MAGI1: variants seen among roughly 807,000 people sequenced by gnomAD.
MAGI1 encodes the protein membrane associated guanylate kinase, WW and PDZ domain containing 1, also known as membrane-associated guanylate kinase, WW and PDZ domain-containing protein 1.
In MAGI1, 58 loss-of-function variants were observed where a neutral mutation model predicts 139.9. The observed-to-expected ratio is 0.41, with a 90% CI of 0.34 to 0.52. The LOEUF is 0.52. Ranked by LOEUF, MAGI1 falls within the 20% of genes least tolerant of loss-of-function variation. The pLI is 0.12. For synonymous variants in MAGI1, 812 were observed against 737.9 expected (o/e 1.10, Z -1.63); for missense variants, 1,874 against 1,901.6 (o/e 0.99, Z 0.27).
chr3:65,871,198 A>T (rs2059927013), intron 1 of MAGI1, among the ~76,000 whole-genome samples: 1 of 151,966 alleles, frequency 6.6e-6, no homozygotes, highest in African/African-American at 2.4e-5. Context: ...CCACCTCCCA[A>T]AGTGCTGGGA....
chr3:65,695,135 TG>T (rs2089035868), intron 1 of MAGI1, among the ~76,000 whole-genome samples: 1 of 152,106 alleles, frequency 6.6e-6, no homozygotes, highest in Admixed American at 6.5e-5. Flanking sequence ...TCTACTCCCC[TG>T]AACAATTCTC....
intron 2 of MAGI1, among the ~76,000 whole-genome samples, chr3:65,507,709 T>A (rs186527804): frequency 6.6e-6 from 1 of 152,360 alleles, no homozygotes; most frequent in Admixed American, 6.5e-5. Flanking sequence ...GATTAACTGT[T>A]ATTGCCCTCA....
chr3:65,404,127 G>A (rs1945137137), intron 12 of MAGI1, among the ~76,000 whole-genome samples: 1 of 152,210 alleles, frequency 6.6e-6, no homozygotes, highest in South Asian at 2.1e-4. Flanking sequence ...GTGGCAAGGA[G>A]GGGCAAGGAT....
intron 1 of MAGI1, among the ~76,000 whole-genome samples, chr3:65,627,302 C>T (rs185568563): frequency 8.6e-4 from 131 of 152,106 alleles, no homozygotes; most frequent in African/African-American, 3.1e-3. Context: ...GTGTGCATGA[C>T]TAAATCACCT....
rs568273081 is a variant in MAGI1 at position 65,566,152 on chromosome 3, G to A, written c.430+55820C>T. 3.3e-3 allele frequency among the ~76,000 whole-genome samples: 499 copies of A among 151,980 alleles called. 2 individuals carry two copies. Among genetic ancestry groups the A allele is most frequent in the African/African-American group, 0.012 (480 of 41,452 alleles). On this transcript the variant is annotated intron_variant, in intron 2 of 22. Transcript: ENST00000402939. ...ACCTGTAGTCCCAGCTACTCGGGAG[G>A]CTGAGGCAGAAGAATCGCTTGAACC...
At chr3:65,597,329 T>C (rs2082259548) in intron 2 of MAGI1, among the ~76,000 whole-genome samples, 1 of 145,460 alleles carries the variant, frequency 6.9e-6, no homozygotes. Context: ...GAGCACACTT[T>C]GGAATGCACT....
At chr3:65,897,099 T>C (rs907183772) in intron 1 of MAGI1, among the ~76,000 whole-genome samples, 73 of 152,322 alleles carry the variant, frequency 4.8e-4, no homozygotes, top group African/African-American at 1.6e-3. Context: ...AATACAAATG[T>C]TATGTAAATA....
intron 2 of MAGI1, among the ~76,000 whole-genome samples, chr3:65,615,739 A>G (rs1358866572): frequency 6.6e-6 from 1 of 152,188 alleles, no homozygotes; most frequent in African/African-American, 2.4e-5. Flanking sequence ...GCTCCAAATC[A>G]CATCTAAACA....
chr3:65,800,202 G>A (rs1055177247), intron 1 of MAGI1, among the ~76,000 whole-genome samples: 3 of 152,162 alleles, frequency 2.0e-5, no homozygotes, highest in South Asian at 2.1e-4. Flanking sequence ...TGCCTGGCAC[G>A]TGGCAAGCCT....
chr3:66,026,997 C>T (rs1403911687), intron 1 of MAGI1, among the ~76,000 whole-genome samples: 3 of 151,184 alleles, frequency 2.0e-5, no homozygotes, highest in Non-Finnish European at 4.4e-5. Flanking sequence ...CGGCTGGGCG[C>T]GGTGGCTCAC....
At chr3:65,572,519 G>A (rs1246531799) in intron 2 of MAGI1, among the ~76,000 whole-genome samples, 1 of 152,114 alleles carries the variant, frequency 6.6e-6, no homozygotes. Context: ...CAGGGTCACA[G>A]ACATCTATCC....
intron 1 of MAGI1, among the ~76,000 whole-genome samples, chr3:65,820,001 G>A (rs1365780038): frequency 1.7e-5 from 2 of 119,246 alleles, no homozygotes; most frequent in Non-Finnish European, 3.5e-5. Context: ...TACTGCACTG[G>A]CATGTGTATA....
At chr3:65,476,631 G>C (rs537160721) in intron 4 of MAGI1, among the ~76,000 whole-genome samples, 1 of 152,174 alleles carries the variant, frequency 6.6e-6, no homozygotes, top group Non-Finnish European at 1.5e-5. Flanking sequence ...AGGCACACAA[G>C]CTTCTTGGGG....
intron 1 of MAGI1, among the ~76,000 whole-genome samples, chr3:65,779,553 T>G (rs1474074232): frequency 6.6e-6 from 1 of 152,240 alleles, no homozygotes; most frequent in Non-Finnish European, 1.5e-5. Context: ...TCTCAGAACT[T>G]TCTAAGACCA....
chr3:65,645,002 A>AT (rs1368639064), intron 1 of MAGI1, among the ~76,000 whole-genome samples: 33 of 148,834 alleles, frequency 2.2e-4, no homozygotes, highest in African/African-American at 7.5e-4. Flanking sequence ...ATCTCAAAAA[A>AT]AAAAATAAAA....
intron 1 of MAGI1, among the ~76,000 whole-genome samples, chr3:65,779,385 GGA>G (rs781205802): frequency 2.6e-5 from 4 of 152,220 alleles, no homozygotes; most frequent in African/African-American, 4.8e-5. Flanking sequence ...AGAAGGGCCG[GGA>G]GGGGACTATA....
At chr3:65,539,124 TCAAA>T (rs1238465914) in intron 2 of MAGI1, among the ~76,000 whole-genome samples, 3 of 150,704 alleles carry the variant, frequency 2.0e-5, no homozygotes, top group Non-Finnish European at 4.4e-5. Flanking sequence ...CCAACTACCG[TCAAA>T]CAGACACATG....
intron 12 of MAGI1, among the ~76,000 whole-genome samples, chr3:65,414,814 A>G (rs1575661816): frequency 6.6e-6 from 1 of 151,212 alleles, no homozygotes; most frequent in Non-Finnish European, 1.5e-5. Context: ...CAGGCAGATC[A>G]CCTGACCAGC....
rs183389524 is a variant in MAGI1 at position 65,652,574 on chromosome 3, C to T, written c.314-30486G>A. On this transcript the variant is annotated intron_variant, in intron 1 of 22. Coordinates refer to ENST00000402939, the MANE Select transcript of MAGI1 (RefSeq NM_001033057.2). ...AAATAAAATCACCCTCAGTTGAGAG[C>T]TACTGCTTTAACTTAGGGACTAGGG... Among the ~76,000 whole-genome samples the T allele has an allele frequency of 5.9e-5, 9 of 152,286 alleles. No homozygotes were observed. The East Asian group carries it at 1.2e-3, about 20-fold the overall frequency.
Sources: gnomAD v4.1 joint callset for allele counts (sites outside exome capture counted in the v4.1 genomes callset) on GRCh38, gnomAD v4.1.1 for gene constraint, MANE v1.5 for transcripts, NCBI Gene and HGNC (gene_info 2026-07-23, HGNC 2026-07-21) for gene names.